CHSY3: variants seen among roughly 807,000 people sequenced by gnomAD.
CHSY3 encodes chondroitin sulfate synthase 3.
Under a neutral mutation model 67.2 loss-of-function variants are expected in CHSY3, and 35 were observed. The observed-to-expected ratio is 0.52, with a 90% confidence interval of 0.40 to 0.69. The LOEUF (loss-of-function observed/expected upper bound fraction) is 0.69. Among genes scored for constraint, CHSY3 ranks in the 30% least tolerant of loss-of-function variants. CHSY3 has a pLI of 0.00. For missense variants in CHSY3, 1,069 were observed against 1,138.5 expected (o/e 0.94, Z 0.88); for synonymous variants, 474 against 434.7 (o/e 1.09, Z -1.12).
chr5:130,132,551 G>A (rs1173034866), intron 2 of CHSY3, among the ~76,000 whole-genome samples: 2 of 152,160 alleles, frequency 1.3e-5, no homozygotes, highest in Non-Finnish European at 2.9e-5. Flanking sequence ...CAAAATCTCA[G>A]TTGATATAAG....
chr5:130,019,597 C>T (rs907679956), intron 2 of CHSY3, among the ~76,000 whole-genome samples: 1 of 152,172 alleles, frequency 6.6e-6, no homozygotes, highest in Non-Finnish European at 1.5e-5. Context: ...TATGTTTAGT[C>T]TCTCTGGTTT....
intron 2 of CHSY3, among the ~76,000 whole-genome samples, chr5:130,091,885 A>G (rs905629681): frequency 6.6e-6 from 1 of 152,100 alleles, no homozygotes; most frequent in East Asian, 1.9e-4. Context: ...TAGAGTTCAA[A>G]ATGAGATTCC....
chr5:129,997,968 A>C (rs1011817449), intron 2 of CHSY3, among the ~76,000 whole-genome samples: 1 of 152,166 alleles, frequency 6.6e-6, no homozygotes, highest in African/African-American at 2.4e-5. Context: ...TGCAATAAAC[A>C]TACGTGTGCA....
At position 130,186,628 on chromosome 5, in the gene CHSY3, A is replaced by G. The variant is rs1003637890; in HGVS notation, c.*837A>G. 1.3e-5 allele frequency: 2 copies of G among 152,750 alleles called. No homozygotes were observed. Among genetic ancestry groups the G allele is most frequent in the Non-Finnish European group, 2.9e-5 (2 of 68,024 alleles). The allele number at this position is 152,750 out of a possible 1,614,324, so 9.5% of individuals were successfully genotyped here. On this transcript the variant is annotated 3_prime_UTR_variant, in exon 3 of 3. Transcript: ENST00000305031. The stretch of plus-strand genomic sequence containing the variant: ...GGTATAGCAGTATTCTTTTTCAAAA[A>G]CACTGACAAGGTTTTGTTGTTTCCT...
chr5:130,001,029 G>A (rs1763713057), intron 2 of CHSY3, among the ~76,000 whole-genome samples: 2 of 151,494 alleles, frequency 1.3e-5, no homozygotes. Context: ...TAGCTGAGTG[G>A]TGGCACACGC....
intron 2 of CHSY3, among the ~76,000 whole-genome samples, chr5:130,102,066 T>A (rs74934886): frequency 3.1e-3 from 470 of 152,292 alleles, no homozygotes; most frequent in African/African-American, 0.011. Flanking sequence ...AGATGTCAGT[T>A]GTATTTCTTC....
At chr5:129,988,245 T>C (rs1763260823) in intron 2 of CHSY3, among the ~76,000 whole-genome samples, 1 of 152,240 alleles carries the variant, frequency 6.6e-6, no homozygotes, top group Admixed American at 6.5e-5. Context: ...CCAGATCTCT[T>C]AGATTCTTTT....
At position 130,141,766 on chromosome 5, in the gene CHSY3, A is replaced by T. The variant is rs1206455360; in HGVS notation, c.1087-42463A>T. The T allele has an allele frequency of 6.5e-6, 3 of 464,362 alleles. No individual in the cohort carries two copies. The East Asian group carries it at 1.6e-4, about 25-fold the overall frequency. 28.8% of individuals were successfully genotyped at this position (464,362 alleles called of 1,614,324 possible). A position where few individuals can be genotyped will look rare whatever the true frequency, so the allele number is the denominator to read the frequency against. ...TATTAAAATTATCAACTGGCTGGATAAGAATCAGATTCAGAAGAAGGAAGA... is the reference window on the plus strand; with the variant it reads ...TATTAAAATTATCAACTGGCTGGATTAGAATCAGATTCAGAAGAAGGAAGA... On this transcript the variant is annotated intron_variant, in intron 2 of 2. Transcript: ENST00000305031.
chr5:130,117,298 C>G (rs1486424015), intron 2 of CHSY3, among the ~76,000 whole-genome samples: 3 of 152,208 alleles, frequency 2.0e-5, no homozygotes, highest in Non-Finnish European at 1.5e-5. Flanking sequence ...ACTAAGGAAC[C>G]ATGGGATCAT....
chr5:129,956,220 A>G (rs534729142), intron 2 of CHSY3, among the ~76,000 whole-genome samples: 1 of 152,252 alleles, frequency 6.6e-6, no homozygotes, highest in African/African-American at 2.4e-5. Context: ...ACATTTTAAT[A>G]ATAACCATTC....
chr5:130,041,344 C>T (rs992854495), intron 2 of CHSY3, among the ~76,000 whole-genome samples: 1 of 152,072 alleles, frequency 6.6e-6, no homozygotes, highest in Non-Finnish European at 1.5e-5. Context: ...ACACTCTGTT[C>T]CAAGAGAGTG....
intron 1 of CHSY3, 175 bp downstream of exon 1, chr5:129,905,806 G>A (rs1045464470): frequency 2.3e-6 from 3 of 1,312,800 alleles, no homozygotes; most frequent in Admixed American, 7.2e-5. Flanking sequence ...TTCGTAGCCC[G>A]TTCCTCGTCT....
chr5:130,086,547 C>T (rs1342001453), intron 2 of CHSY3, among the ~76,000 whole-genome samples: 1 of 151,888 alleles, frequency 6.6e-6, no homozygotes, highest in Non-Finnish European at 1.5e-5. Flanking sequence ...CACCACCAAT[C>T]CCACAGAAAT....
At chr5:130,024,258 T>C (rs1008864185) in intron 2 of CHSY3, among the ~76,000 whole-genome samples, 1 of 151,644 alleles carries the variant, frequency 6.6e-6, no homozygotes, top group African/African-American at 2.4e-5. Flanking sequence ...AAATAAAATA[T>C]CAAGTTCTTT....
rs184440220 is a variant in CHSY3, at chr5:129,953,467, T to C, written c.1086+45107T>C. ...GTGTGCATGTGTCTTTATAGTAGCA[T>C]GATTTATAATCCTTTGGGTATATAC... is the stretch of plus-strand genomic sequence containing the variant. On this transcript the variant is annotated intron_variant, in intron 2 of 2. Transcript: ENST00000305031. 7.9e-5 allele frequency among the ~76,000 whole-genome samples: 12 copies of C among 152,340 alleles called. No individual in the cohort carries two copies. The East Asian group carries it at 2.3e-3, about 29-fold the overall frequency.
Position 130,008,822 on chromosome 5 carries a change from G to A in CHSY3, c.1086+100462G>A, listed in dbSNP as rs185941185. 3.3e-5 allele frequency among the ~76,000 whole-genome samples: 5 copies of A among 152,260 alleles called. No individual in the cohort carries two copies. In the East Asian group the frequency reaches 9.6e-4, roughly 29 times the overall value. On this transcript the variant is annotated intron_variant, in intron 2 of 2. Transcript: ENST00000305031. ...ACTACAAGAAATTCATTCTATATTC[G>A]AAGTATTCACAGCAGAGCAGAGGTA...
intron 2 of CHSY3, among the ~76,000 whole-genome samples, chr5:130,060,448 A>C (rs1765674304): frequency 6.6e-6 from 1 of 152,148 alleles, no homozygotes; most frequent in African/African-American, 2.4e-5. Flanking sequence ...ACAAACCCAC[A>C]GTTATCATAC....
intron 2 of CHSY3, among the ~76,000 whole-genome samples, chr5:130,009,856 G>A (rs1346571734): frequency 6.6e-6 from 1 of 152,182 alleles, no homozygotes. Flanking sequence ...AGACAAAACA[G>A]ATTTCAAACC....
intron 2 of CHSY3, among the ~76,000 whole-genome samples, chr5:130,121,367 T>C (rs142712793): frequency 3.9e-5 from 6 of 152,338 alleles, no homozygotes; most frequent in African/African-American, 1.4e-4. Context: ...AATCCATTTT[T>C]CTAATGTATT....
Sources: gnomAD v4.1 joint callset for allele counts (sites outside exome capture counted in the v4.1 genomes callset) on GRCh38, gnomAD v4.1.1 for gene constraint, MANE v1.5 for transcripts, NCBI Gene and HGNC (gene_info 2026-07-23, HGNC 2026-07-21) for gene names.